The following TUSC3 variants were observed in gnomAD, a reference collection of about 807,000 sequenced individuals.
TUSC3 encodes the protein tumor suppressor candidate 3.
In TUSC3, 45 loss-of-function variants were observed where a neutral mutation model predicts 44.8. The ratio of observed to expected loss-of-function variants is 1.00; its 90% CI spans 0.79 to 1.29. TUSC3 has a LOEUF of 1.29. Among genes scored for constraint, TUSC3 ranks in the 50% most tolerant of loss-of-function variants. The probability of loss-of-function intolerance (pLI) is 0.00; values close to 1 mark genes in which losing one functional copy is unlikely to be tolerated. For missense variants in TUSC3, 519 were observed against 437.9 expected, an observed-to-expected ratio of 1.19 and a Z score of -1.65; for synonymous variants, 212 against 152.9, an observed-to-expected ratio of 1.39 and a Z score of -2.85.
intron 1 of TUSC3, among the ~76,000 whole-genome samples, chr8:15,421,000 C>T (rs987089480): frequency 2.6e-5 from 4 of 152,072 alleles, no homozygotes; most frequent in Non-Finnish European, 5.9e-5. Flanking sequence ...AATTTTTTAT[C>T]TCTTCCCAAG....
In TUSC3 at chr8:15,540,271, C is replaced by T. The variant is rs990800014; in HGVS notation, c.-160C>T. ...GAACCGGATGCTCTGTCAGTCTCCT[C>T]CTCTGCGTCCTCGGCCGCGGCCCGG... On this transcript the variant is annotated 5_prime_UTR_variant, in exon 1 of 11. Transcript: ENST00000503731. The T allele has an allele frequency of 7.7e-6, 8 of 1,034,446 alleles. No homozygotes were observed. In the Admixed American group the frequency reaches 1.2e-4, roughly 16 times the overall value. 64.1% of individuals were successfully genotyped at this position (1,034,446 alleles called of 1,614,324 possible). A position where few individuals can be genotyped will look rare whatever the true frequency, so the allele number is the denominator to read the frequency against.
At chr8:15,717,115 A>G (rs1481379144) in intron 6 of TUSC3, among the ~76,000 whole-genome samples, 2 of 152,136 alleles carry the variant, frequency 1.3e-5, no homozygotes, top group Non-Finnish European at 2.9e-5. Flanking sequence ...ACGCTATGAC[A>G]TTATAAATAC....
At chr8:15,532,467 A>G (rs969851769) in intron 2 of TUSC3, among the ~76,000 whole-genome samples, 22 of 152,326 alleles carry the variant, frequency 1.4e-4, no homozygotes, top group African/African-American at 4.3e-4. Flanking sequence ...ATAGATCCAC[A>G]GGAAAAACTA....
intron 1 of TUSC3, among the ~76,000 whole-genome samples, chr8:15,445,416 A>T (rs1800082903): frequency 6.6e-6 from 1 of 152,144 alleles, no homozygotes; most frequent in African/African-American, 2.4e-5. Flanking sequence ...GTTAGCAGAT[A>T]AACATGTGAA....
At chr8:15,662,030 C>G (rs1000531310) in intron 4 of TUSC3, 126 bp from the exon 5 acceptor site, 2 of 1,004,036 alleles carry the variant, frequency 2.0e-6, no homozygotes, top group Non-Finnish European at 1.5e-6. Flanking sequence ...GTGCTAGTGT[C>G]ACGTATGAAA....
upstream of TUSC3, among the ~76,000 whole-genome samples, chr8:15,539,651 C>A (rs987402967): frequency 6.6e-6 from 1 of 152,164 alleles, no homozygotes; most frequent in African/African-American, 2.4e-5. Flanking sequence ...CATGTCCAGT[C>A]TGCTATGGTT....
chr8:15,811,048 G>A, the TUSC3 span, among the ~76,000 whole-genome samples: 2 of 151,854 alleles, frequency 1.3e-5, no homozygotes, highest in Non-Finnish European at 1.5e-5. Flanking sequence ...AGAGAGTGAG[G>A]AAAGGAAAGA....
intron 8 of TUSC3, 111 bp from the exon 9 acceptor site, chr8:15,748,264 A>T (rs1811509268): frequency 2.4e-6 from 2 of 832,208 alleles, no homozygotes; most frequent in African/African-American, 3.3e-5. Context: ...TGTATGTACC[A>T]TGAACTGTTA....
At chr8:15,825,976 C>G in the TUSC3 span, among the ~76,000 whole-genome samples, 14,851 of 146,818 alleles carry the variant, frequency 0.1, 851 homozygotes, top group East Asian at 0.26. Flanking sequence ...GACTTGAACA[C>G]ATTAAAATAA....
chr8:15,701,435 T>G (rs1256916262), intron 6 of TUSC3, among the ~76,000 whole-genome samples: 1 of 152,160 alleles, frequency 6.6e-6, no homozygotes, highest in African/African-American at 2.4e-5. Flanking sequence ...TATTTTTTAC[T>G]TTAAACATTT....
intron 6 of TUSC3, among the ~76,000 whole-genome samples, chr8:15,686,323 T>A (rs1380816349): frequency 6.6e-6 from 1 of 152,174 alleles, no homozygotes; most frequent in Non-Finnish European, 1.5e-5. Flanking sequence ...GATTTGGATT[T>A]TAGCTACTGC....
At chr8:15,623,305 T>A in intron 2 of TUSC3, 56 bp downstream of exon 2, 1 of 1,452,226 alleles carries the variant, frequency 6.9e-7, no homozygotes, top group Non-Finnish European at 9.2e-7. Context: ...TACATATATA[T>A]TTTTATGTTC....
At chr8:15,633,681 G>A (rs1805924311) in intron 2 of TUSC3, among the ~76,000 whole-genome samples, 1 of 152,122 alleles carries the variant, frequency 6.6e-6, no homozygotes, top group African/African-American at 2.4e-5. Flanking sequence ...TAATTTAGCT[G>A]GAAGCCAGGG....
At chr8:15,421,884 G>A (rs1799742462) in intron 1 of TUSC3, among the ~76,000 whole-genome samples, 1 of 152,126 alleles carries the variant, frequency 6.6e-6, no homozygotes. Context: ...AAAATGGAAT[G>A]TAATAATTAT....
At chr8:15,728,863 G>T (rs1038582284) in intron 6 of TUSC3, among the ~76,000 whole-genome samples, 7 of 152,098 alleles carry the variant, frequency 4.6e-5, no homozygotes, top group African/African-American at 1.7e-4. Flanking sequence ...AGCCAATGAG[G>T]TAGACTCATC....
At chr8:15,689,456 G>T in intron 6 of TUSC3, 1 of 169,166 alleles carries the variant, frequency 5.9e-6, no homozygotes, top group South Asian at 9.8e-5. Flanking sequence ...GCAGTGCCAA[G>T]AAGGCCGCAG....
At chr8:15,607,955 C>G (rs780826597) in intron 1 of TUSC3, among the ~76,000 whole-genome samples, 3 of 152,086 alleles carry the variant, frequency 2.0e-5, no homozygotes, top group African/African-American at 2.4e-5. Context: ...TATAATTTAC[C>G]TGAACTGGAA....
intron 1 of TUSC3, among the ~76,000 whole-genome samples, chr8:15,617,873 G>C (rs1805063281): frequency 6.6e-6 from 1 of 152,110 alleles, no homozygotes; most frequent in Admixed American, 6.6e-5. Context: ...GTTATTTAAA[G>C]ACAAAAGTAT....
At chr8:15,480,390 C>G (rs1266836444) in intron 1 of TUSC3, among the ~76,000 whole-genome samples, 1 of 152,134 alleles carries the variant, frequency 6.6e-6, no homozygotes, top group Non-Finnish European at 1.5e-5. Context: ...CTTGACTTTT[C>G]CTGGTTGGCT....
Sources: gnomAD v4.1 joint callset for allele counts (sites outside exome capture counted in the v4.1 genomes callset) on GRCh38, gnomAD v4.1.1 for gene constraint, MANE v1.5 for transcripts, NCBI Gene and HGNC (gene_info 2026-07-23, HGNC 2026-07-21) for gene names.